ELP1: variants seen among roughly 807,000 people sequenced by gnomAD.
ELP1 encodes the protein elongator acetyltransferase complex subunit 1, also known as elongator complex protein 1.
A neutral mutation model predicts 183.2 loss-of-function variants in ELP1; 131 were observed. The observed-to-expected ratio is 0.72, with a 90% CI of 0.62 to 0.83. The LOEUF (loss-of-function observed/expected upper bound fraction) is 0.83. Ranked by LOEUF, ELP1 falls within the 40% of genes least tolerant of loss-of-function variation. The pLI is 0.00. For synonymous variants in ELP1, 555 were observed against 569.0 expected (o/e 0.98, Z 0.35); for missense variants, 1,550 against 1,594.9 (o/e 0.97, Z 0.48).
At chr9:108,875,300 A>G (rs1827666883) in intron 35 of ELP1, among the ~76,000 whole-genome samples, 1 of 152,260 alleles carries the variant, frequency 6.6e-6, no homozygotes, top group South Asian at 2.1e-4. Context: ...AGAGGCTACA[A>G]ATACGTAGAG....
At chr9:108,878,869 T>C in intron 33 of ELP1, 119 bp from the exon 34 acceptor site, 1 of 1,065,138 alleles carries the variant, frequency 9.4e-7, no homozygotes, top group East Asian at 2.4e-5. Flanking sequence ...TTCACAGATC[T>C]CCATTTTAAA....
chr9:108,898,581 C>T lies in ELP1; in HGVS notation c.2284G>A (p.Val762Met), dbSNP rs146338880. 8 of 1,607,954 alleles carry T rather than the reference C, an allele frequency of 5.0e-6. No homozygotes were observed. The African/African-American group carries it at 8.0e-5, about 16-fold the overall frequency. The change falls in exon 22 of 37, where the codon GTG becomes ATG. Residue 762 changes from valine to methionine, a missense_variant and splice_region_variant. Val to Met is a conservative substitution (Grantham distance 21). Transcript: ENST00000374647. ...LNLIYDHNPK[V>M]FLGNVETFIK... is the part of the protein sequence containing the mutation. ...AAGGTTTCCACATTTCCAAGAAACA[C>T]CTACCAAAAAAAGGACAAAACATCT... is the stretch of plus-strand genomic sequence containing the variant.
Position 108,901,416 on chromosome 9 carries a change from A to G in ELP1, c.2014+9T>C, listed in dbSNP as rs2131991753. 7 of 1,584,482 alleles carry G rather than the reference A, an allele frequency of 4.4e-6. No homozygotes were observed. The highest frequency in any genetic ancestry group is 5.2e-6 in the Non-Finnish European group (6 of 1,153,096). ...GGGACCATTTCTGTTTTATACATTG[A>G]AAACTTACTTTTAAATGAAGCATCC... On this transcript the variant is annotated intron_variant, in intron 18 of 36. Coordinates refer to ENST00000374647, the MANE Select transcript of ELP1 (RefSeq NM_003640.5).
At chr9:108,881,895 G>A (rs575321959) in intron 30 of ELP1, 130 bp from the exon 31 acceptor site, 211 of 704,688 alleles carry the variant, frequency 3.0e-4, no homozygotes, top group Non-Finnish European at 3.2e-4. Context: ...CCTCCTACAA[G>A]GCAGCCAAGG....
chr9:108,891,518 G>A, intron 27 of ELP1, 114 bp from the exon 28 acceptor site: 1 of 948,660 alleles, frequency 1.1e-6, no homozygotes, highest in South Asian at 1.4e-5. Context: ...GAATTACCTG[G>A]GAAAATCTTA....
chr9:108,904,679 C>T (rs984138062), intron 14 of ELP1, among the ~76,000 whole-genome samples: 2 of 152,162 alleles, frequency 1.3e-5, no homozygotes, highest in East Asian at 3.8e-4. Context: ...TATCTAACTG[C>T]TCCATGTCTT....
chr9:108,924,492 G>A (rs1487903778), intron 5 of ELP1, among the ~76,000 whole-genome samples: 1 of 151,924 alleles, frequency 6.6e-6, no homozygotes, highest in Non-Finnish European at 1.5e-5. Context: ...GAAAAAGTCA[G>A]TGGGAAACAC....
At chr9:108,882,086 C>G in intron 30 of ELP1, 39 bp downstream of exon 30, 1 of 1,569,582 alleles carries the variant, frequency 6.4e-7, no homozygotes, top group Non-Finnish European at 8.8e-7. Flanking sequence ...GCTCTCTCTG[C>G]TTAGCACCCA....
chr9:108,892,658 C>T (rs1385566818), intron 27 of ELP1, among the ~76,000 whole-genome samples: 12 of 152,042 alleles, frequency 7.9e-5, no homozygotes, highest in African/African-American at 2.9e-4. Context: ...GATGCTTTTT[C>T]AAGCAAACAA....
intron 26 of ELP1, 36 bp from the exon 27 acceptor site, chr9:108,893,119 G>C (rs769550896): frequency 6.9e-7 from 1 of 1,441,432 alleles, no homozygotes; most frequent in Non-Finnish European, 9.8e-7. Flanking sequence ...ACAGGCTTAA[G>C]ACATGGGAAG....
chr9:108,901,388 G>C (rs1414899959), intron 18 of ELP1, 37 bp downstream of exon 18: 2 of 1,418,826 alleles, frequency 1.4e-6, no homozygotes. Flanking sequence ...AGACATTGGA[G>C]AAGGGACCAT....
chr9:108,918,919 C>A lies in ELP1; in HGVS notation c.650-18G>T. On this transcript the variant is annotated intron_variant, in intron 7 of 36. Transcript: ENST00000374647. ...CCGAGCCCCTGTGCGGGAGTGGAGT[C>A]AAACACACATACACACTTAAAACAT... The A allele has an allele frequency of 1.9e-6, 3 of 1,569,026 alleles. No homozygotes were observed. The South Asian group carries it at 3.3e-5, about 17-fold the overall frequency.
In ELP1 at chr9:108,891,318, G is replaced by A. The variant is rs772697433; in HGVS notation, c.3045C>T (p.His1015=). The A allele has an allele frequency of 1.3e-5, 21 of 1,614,022 alleles. No homozygotes were observed. The highest frequency in any genetic ancestry group is 6.7e-5 in the Admixed American group (4 of 60,018). Residue 1015 remains histidine, a synonymous_variant, in exon 28 of 37, where the codon CAC becomes CAT. Transcript: ENST00000374647. ...TCAGAAAGGCTGAGAGAGCTTTCTC[G>A]TGGGCACCGCAACGGGCAAACATGA... ...AGLMFARCGA[H]EKALSAFLTC...
Position 108,868,603 on chromosome 9 carries a change from C to A in ELP1, c.*512G>T, listed in dbSNP as rs1395185848. On this transcript the variant is annotated 3_prime_UTR_variant, in exon 37 of 37. Coordinates refer to ENST00000374647, the MANE Select transcript of ELP1 (RefSeq NM_003640.5). ...AAGCACATGACCTGGTAAGATGTTA[C>A]AAAATAATAGCTGTCAGCAAAGGAG... 4 of 447,738 alleles carry A rather than the reference C, an allele frequency of 8.9e-6. No individual in the cohort carries two copies. Among genetic ancestry groups the A allele is most frequent in the Non-Finnish European group, 1.6e-5 (4 of 256,748 alleles). The allele number at this position is 447,738 out of a possible 1,614,324, so 27.7% of individuals were successfully genotyped here.
In ELP1 at chr9:108,868,682, A is replaced by G. The variant is rs1225556392; in HGVS notation, c.*433T>C. On this transcript the variant is annotated 3_prime_UTR_variant, in exon 37 of 37. Coordinates refer to ENST00000374647, the MANE Select transcript of ELP1 (RefSeq NM_003640.5). ...TTCTGCTTTAGTTTAAGGTGACAAG[A>G]AGCTATTTAAGTGATTACATTTGAC... 3 of 466,678 alleles carry G rather than the reference A, an allele frequency of 6.4e-6. No individual in the cohort carries two copies. 28.9% of individuals were successfully genotyped at this position (466,678 alleles called of 1,614,324 possible).
intron 12 of ELP1, among the ~76,000 whole-genome samples, chr9:108,908,847 G>A (rs1329759147): frequency 1.3e-5 from 2 of 152,102 alleles, no homozygotes; most frequent in Non-Finnish European, 2.9e-5. Context: ...TATCTCACTC[G>A]GAGTAAAAGC....
intron 29 of ELP1, among the ~76,000 whole-genome samples, chr9:108,884,702 C>T (rs753938012): frequency 1.1e-4 from 17 of 152,216 alleles, no homozygotes; most frequent in South Asian, 2.1e-4. Flanking sequence ...ATTTGTATAA[C>T]ATAACTAAAA....
rs1827337150 is a variant in ELP1 at position 108,869,033 on chromosome 9, C to G, written c.*82G>C. ...ACTCTTTCCAGTTCTCAATAGCCAG[C>G]CCTCAAAGAGCAAGGGGTGGTAGGA... On this transcript the variant is annotated 3_prime_UTR_variant, in exon 37 of 37. Coordinates refer to ENST00000374647, the MANE Select transcript of ELP1 (RefSeq NM_003640.5). 1 of 1,191,950 alleles carries G rather than the reference C, an allele frequency of 8.4e-7. No individual in the cohort carries two copies. Among genetic ancestry groups the G allele is most frequent in the Non-Finnish European group, 1.3e-6 (1 of 794,390 alleles). 73.8% of individuals were successfully genotyped at this position (1,191,950 alleles called of 1,614,324 possible). A position where few individuals can be genotyped will look rare whatever the true frequency, so the allele number is the denominator to read the frequency against.
chr9:108,889,215 A>G (rs1450570790), intron 29 of ELP1, 117 bp downstream of exon 29: 1 of 972,084 alleles, frequency 1.0e-6, no homozygotes, highest in Admixed American at 1.7e-5. Context: ...TGGGGCAAAC[A>G]CTATCTCTGG....
Sources: allele counts gnomAD v4.1 joint callset (sites outside exome capture counted in the v4.1 genomes callset), GRCh38; gene constraint gnomAD v4.1.1; transcripts MANE v1.5; gene names NCBI Gene and HGNC (gene_info 2026-07-23, HGNC 2026-07-21).